Variants in DLG1 observed in about 807,000 individuals in gnomAD.
The protein encoded by DLG1 is discs large MAGUK scaffold protein 1, also known as disks large homolog 1.
Under a neutral mutation model 123.4 loss-of-function variants are expected in DLG1, and 42 were observed. That is an observed-to-expected ratio of 0.34 (90% CI 0.27 to 0.44). DLG1 has a LOEUF of 0.44. Ranked by LOEUF, DLG1 falls within the 20% of genes least tolerant of loss-of-function variation. The pLI, the probability that DLG1 is intolerant of heterozygous loss-of-function variation, is 1.00. For missense variants in DLG1, 942 were observed against 1,082.6 expected (o/e 0.87, Z 1.82); for synonymous variants, 317 against 356.2 (o/e 0.89, Z 1.24).
At chr3:197,234,527 C>T in intron 4 of DLG1, among the ~76,000 whole-genome samples, 1 of 152,176 alleles carries the variant, frequency 6.6e-6, no homozygotes, top group Non-Finnish European at 1.5e-5. Context: ...AAATCTTAAA[C>T]TGCCATTATA....
chr3:197,089,131 G>A (rs1031386692), intron 15 of DLG1, among the ~76,000 whole-genome samples: 12 of 152,004 alleles, frequency 7.9e-5, no homozygotes, highest in African/African-American at 2.9e-4. Context: ...GGTGAAGGAA[G>A]TTTGCTAGGA....
At chr3:197,164,793 A>G (rs1037559388) in intron 5 of DLG1, among the ~76,000 whole-genome samples, 1 of 151,644 alleles carries the variant, frequency 6.6e-6, no homozygotes, top group African/African-American at 2.4e-5. Context: ...GCGGTGGTGC[A>G]TGCCTGTAGT....
At position 197,281,062 on chromosome 3, in the gene DLG1, C is replaced by T. The variant is rs548199790; in HGVS notation, c.318+1617G>A. Among the ~76,000 whole-genome samples the T allele has an allele frequency of 5.4e-5, 8 of 147,974 alleles. No homozygotes were observed. In the South Asian group the frequency reaches 1.7e-3, roughly 32 times the overall value. On this transcript the variant is annotated intron_variant, in intron 4 of 24. Transcript: ENST00000667157. ...TTTTGAGACGGAGTCTCGCTTATCG[C>T]CAGTCTCGCTTGTTGCCCAGACTGG... is the stretch of plus-strand genomic sequence containing the variant.
At chr3:197,235,971 G>GA (rs140809285) in intron 4 of DLG1, among the ~76,000 whole-genome samples, 3 of 151,764 alleles carry the variant, frequency 2.0e-5, no homozygotes, top group Non-Finnish European at 4.4e-5. Flanking sequence ...AACGTGCTGG[G>GA]AAAAAAAACC....
At chr3:197,161,557 C>A in intron 5 of DLG1, 1 of 833,612 alleles carries the variant, frequency 1.2e-6, no homozygotes, top group South Asian at 2.7e-5. Flanking sequence ...CAAAAAACAG[C>A]TCAAACAGTT....
chr3:197,288,719 C>CAAAA (rs1214430122), intron 3 of DLG1, among the ~76,000 whole-genome samples: 5 of 61,922 alleles, frequency 8.1e-5, no homozygotes, highest in Non-Finnish European at 1.5e-4. Context: ...GAAACTGTCT[C>CAAAA]AAAAAAAAAA....
At chr3:197,198,109 T>C (rs1723499521) in intron 4 of DLG1, among the ~76,000 whole-genome samples, 1 of 149,970 alleles carries the variant, frequency 6.7e-6, no homozygotes, top group Admixed American at 6.7e-5. Flanking sequence ...AGAAAAAACA[T>C]AAATTGGACT....
intron 4 of DLG1, among the ~76,000 whole-genome samples, chr3:197,230,224 C>T (rs1742218632): frequency 2.0e-5 from 3 of 152,110 alleles, no homozygotes; most frequent in African/African-American, 7.2e-5. Flanking sequence ...AATGTTTGCA[C>T]TACTCAAAAC....
At chr3:197,282,978 T>TAG (rs1770113459) in intron 3 of DLG1, 133 bp from the exon 4 acceptor site, 5 of 510,262 alleles carry the variant, frequency 9.8e-6, no homozygotes. Flanking sequence ...ATAATGTACT[T>TAG]AAACAGTGAA....
At chr3:197,208,692 G>T (rs1211334735) in intron 4 of DLG1, among the ~76,000 whole-genome samples, 1 of 144,290 alleles carries the variant, frequency 6.9e-6, no homozygotes, top group Non-Finnish European at 1.6e-5. Flanking sequence ...GTGGCGGGGT[G>T]GGGGTAGTTG....
chr3:197,207,280 A>T (rs572293178), intron 4 of DLG1, among the ~76,000 whole-genome samples: 1 of 152,378 alleles, frequency 6.6e-6, no homozygotes, highest in Non-Finnish European at 1.5e-5. Flanking sequence ...TAGATGGTAC[A>T]AGGAAATAGA....
At chr3:197,221,444 C>T (rs528000903) in intron 4 of DLG1, among the ~76,000 whole-genome samples, 14 of 151,882 alleles carry the variant, frequency 9.2e-5, no homozygotes, top group African/African-American at 2.2e-4. Flanking sequence ...CACTTGAATC[C>T]GGGAGGTGGA....
At position 197,061,574 on chromosome 3, in the gene DLG1, T is replaced by G. The variant is rs546848498; in HGVS notation, c.2374-1576A>C. Reference sequence around the variant, plus strand: ...AAAGTCTCCTTAGTCTCCGTCAATCTGACACAGTTCCTCAGTCTTTTGTCT... The same window carrying G: ...AAAGTCTCCTTAGTCTCCGTCAATCGGACACAGTTCCTCAGTCTTTTGTCT... On this transcript the variant is annotated intron_variant, in intron 22 of 24. Coordinates refer to ENST00000667157, the MANE Select transcript of DLG1 (RefSeq NM_001366207.1). Among the ~76,000 whole-genome samples the G allele has an allele frequency of 6.5e-5, 8 of 123,552 alleles. No individual in the cohort carries two copies. The East Asian group carries it at 1.7e-3, about 26-fold the overall frequency. The allele number at this position is 123,552 out of a possible 152,430, so 81.1% of individuals were successfully genotyped here.
intron 4 of DLG1, among the ~76,000 whole-genome samples, chr3:197,245,777 G>A (rs1483959023): frequency 1.3e-5 from 2 of 151,990 alleles, no homozygotes; most frequent in African/African-American, 4.8e-5. Context: ...TGAGTTGGTG[G>A]AAAATGCATG....
chr3:197,134,472 C>CAAAAAAA (rs11319273), intron 10 of DLG1, among the ~76,000 whole-genome samples: 21 of 96,566 alleles, frequency 2.2e-4, no homozygotes, highest in African/African-American at 6.6e-4. Flanking sequence ...TTCATAATAC[C>CAAAAAAA]AAAAAAAAAA....
chr3:197,047,722 T>TC (rs1210434665), intron 24 of DLG1, among the ~76,000 whole-genome samples: 1 of 151,684 alleles, frequency 6.6e-6, no homozygotes, highest in Non-Finnish European at 1.5e-5. Context: ...AATCTGGATA[T>TC]CCACATGCAA....
intron 5 of DLG1, among the ~76,000 whole-genome samples, chr3:197,190,746 C>A (rs992822712): frequency 2.0e-4 from 30 of 152,312 alleles, no homozygotes; most frequent in African/African-American, 7.2e-4. Flanking sequence ...CGCGGTGGCT[C>A]CCGCCTGTAA....
chr3:197,289,063 C>T lies in DLG1; in HGVS notation c.152-6218G>A, dbSNP rs747298881. ...TGTGCTGAGTGTGATTCTATAATTA[C>T]GTGTTTTTAGTACAAGAAGTCAAAC... is the stretch of plus-strand genomic sequence containing the variant. On this transcript the variant is annotated intron_variant, in intron 3 of 24. Transcript: ENST00000667157. Among the ~76,000 whole-genome samples, 6 of 152,100 alleles carry T rather than the reference C, an allele frequency of 3.9e-5. No homozygotes were observed. The South Asian group carries it at 6.2e-4, about 16-fold the overall frequency.
rs188077642 is a variant in DLG1, at chr3:197,221,095, C to T, written c.319-26506G>A. Among the ~76,000 whole-genome samples the T allele has an allele frequency of 3.2e-4, 49 of 152,266 alleles. No individual in the cohort carries two copies. The East Asian group carries it at 6.5e-3, about 20-fold the overall frequency. ...TGCTCAGTGAACTGTTTCAAGGAAA[C>T]CTTACATACCACATACCATACCCTA... On this transcript the variant is annotated intron_variant, in intron 4 of 24. Transcript: ENST00000667157.
Sources: gnomAD v4.1 joint callset for allele counts (sites outside exome capture counted in the v4.1 genomes callset) on GRCh38, gnomAD v4.1.1 for gene constraint, MANE v1.5 for transcripts, NCBI Gene and HGNC (gene_info 2026-07-23, HGNC 2026-07-21) for gene names.